Variants in LUZP1 observed in about 807,000 individuals in gnomAD.
LUZP1 encodes leucine zipper protein 1, also known as filamin mechanobinding actin cross-linking protein.
LUZP1 carries 25 observed loss-of-function variants against 71.3 expected under a neutral mutation model. The ratio of observed to expected loss-of-function variants is 0.35; its 90% CI spans 0.26 to 0.49. The LOEUF (loss-of-function observed/expected upper bound fraction) is 0.49. LUZP1 is among the 20% of genes least tolerant of loss of function. The pLI is 0.99. For missense variants in LUZP1, 1,142 were observed against 1,300.8 expected, an observed-to-expected ratio of 0.88 and a Z score of 1.88; for synonymous variants, 481 against 506.4, an observed-to-expected ratio of 0.95 and a Z score of 0.67.
intron 2 of LUZP1, among the ~76,000 whole-genome samples, chr1:23,164,928 A>C (rs1644498203): frequency 6.6e-6 from 1 of 152,206 alleles, no homozygotes; most frequent in Admixed American, 6.5e-5. Flanking sequence ...ATTTCAAAAG[A>C]AAAAAAATAA....
rs369028151 is a variant in LUZP1, at chr1:23,093,515, T to G, written c.747A>C (p.Thr249=). Residue 249 remains threonine (T), a synonymous_variant, in exon 4 of 5, where the codon ACA becomes ACC. Coordinates refer to ENST00000302291, the Ensembl canonical transcript of LUZP1. The surrounding 1 kb of genome is among the most constrained non-coding windows in gnomAD (Gnocchi z 4.2). ...TCCTTCTTGATTCTTTGGACGGCAG[T>G]GTGGAAGAGATGCCATCCTCAATCC... 175 of 1,613,544 alleles carry G rather than the reference T, an allele frequency of 1.1e-4. No individual in the cohort carries two copies. The highest frequency in any genetic ancestry group is 1.5e-4 in the Non-Finnish European group (172 of 1,179,910).
intron 4 of LUZP1, chr1:23,090,511 C>A: frequency 4.5e-6 from 1 of 222,476 alleles, no homozygotes; most frequent in Non-Finnish European, 8.9e-6. Flanking sequence ...GTTCTGACAC[C>A]CTGAGCCTCA....
chr1:23,116,841 C>T lies in LUZP1; in HGVS notation c.-225-7714G>A, dbSNP rs548374545. Among the ~76,000 whole-genome samples, 153 of 152,254 alleles carry T rather than the reference C, an allele frequency of 1.0e-3. No individual in the cohort carries two copies. The Middle Eastern group carries it at 0.014, about 14-fold the overall frequency. ...ACTCAACTCAGAGAATGTGACTTCC[C>T]TTGTACTGACTGTTAAGTGCCCAGA... On this transcript the variant is annotated intron_variant, in intron 2 of 4. Transcript: ENST00000302291.
At chr1:23,098,950 G>A (rs2124613055) in intron 3 of LUZP1, among the ~76,000 whole-genome samples, 1 of 152,284 alleles carries the variant, frequency 6.6e-6, no homozygotes, top group South Asian at 2.1e-4. Flanking sequence ...ACGCTTGAAG[G>A]TGTTGAAAAA....
chr1:23,146,589 G>A (rs1348873600), intron 2 of LUZP1, among the ~76,000 whole-genome samples: 2 of 151,932 alleles, frequency 1.3e-5, no homozygotes, highest in African/African-American at 4.8e-5. Flanking sequence ...CTTGAACCCA[G>A]GAGTTTGAGA....
chr1:23,089,025 C>T lies in LUZP1; in HGVS notation c.3101G>A (p.Ser1034Asn), dbSNP rs12066671. ...GGAGTTGTGCAGTTGCCTGTAGACA[C>T]TGAGTGTACAGTCTTCCCCTTCTTC... The change falls in exon 5 of 5, where the codon AGT becomes AAT. Residue 1034 changes from serine to asparagine, a missense_variant. By Grantham distance (46) the Ser-to-Asn change is conservative. Coordinates refer to ENST00000302291, the Ensembl canonical transcript of LUZP1. The T allele has an allele frequency of 0.012, 20,085 of 1,613,958 alleles. 1,986 individuals are homozygous for T. In the African/African-American group the frequency reaches 0.23, roughly 18 times the overall value.
intron 2 of LUZP1, among the ~76,000 whole-genome samples, chr1:23,139,655 G>A (rs1400585638): frequency 1.3e-5 from 2 of 152,112 alleles, no homozygotes; most frequent in African/African-American, 4.8e-5. Flanking sequence ...ATACAACACA[G>A]AAAATATGTG....
At chr1:23,139,009 AAAAAAAAAAAATAT>A (rs1478175479) in intron 2 of LUZP1, among the ~76,000 whole-genome samples, 1 of 99,376 alleles carries the variant, frequency 1.0e-5, no homozygotes, top group Non-Finnish European at 1.9e-5. Flanking sequence ...AAAAAAAAAA[AAAAAAAAAAAATAT>A]ATATATATAT....
intron 2 of LUZP1, among the ~76,000 whole-genome samples, chr1:23,115,410 C>G (rs1239697892): frequency 6.6e-6 from 1 of 152,182 alleles, no homozygotes; most frequent in East Asian, 1.9e-4. Context: ...AGAGTATAAA[C>G]AAGATCAGAA....
chr1:23,102,066 A>G (rs1401338521), intron 3 of LUZP1, among the ~76,000 whole-genome samples: 1 of 151,878 alleles, frequency 6.6e-6, no homozygotes, highest in East Asian at 1.9e-4. Context: ...GTATCATCAT[A>G]CATATAACCG....
intron 3 of LUZP1, among the ~76,000 whole-genome samples, chr1:23,098,732 A>G (rs1483651736): frequency 6.6e-6 from 1 of 152,228 alleles, no homozygotes; most frequent in African/African-American, 2.4e-5. Flanking sequence ...AGTCTGAGAC[A>G]TAAGAGAAAA....
At chr1:23,127,031 C>G (rs751165258) in intron 2 of LUZP1, among the ~76,000 whole-genome samples, 8 of 152,228 alleles carry the variant, frequency 5.3e-5, no homozygotes, top group Non-Finnish European at 1.2e-4. Flanking sequence ...TGTATATTGG[C>G]AGTCAAAATC....
chr1:23,096,927 C>G (rs532914481), intron 3 of LUZP1, among the ~76,000 whole-genome samples: 10 of 152,234 alleles, frequency 6.6e-5, no homozygotes, highest in African/African-American at 2.4e-4. Context: ...GAGCTGAGAT[C>G]GCGCCACTGC....
Position 23,093,324 on chromosome 1 carries a change from T to C in LUZP1, c.938A>G (p.Lys313Arg). Residue 313 changes from lysine (K) to arginine (R), a missense_variant, in exon 4 of 5, where the codon AAG becomes AGG. Transcript: ENST00000302291. This position sits in a 1 kb window ranked among gnomAD's most constrained non-coding sequence, Gnocchi z 4.2. ...GTCGTTATTTTTGGACTTCATTTTC[T>C]TAAGCTCTTCTTCCAACGATTCAAA... 1 of 1,610,940 alleles carries C rather than the reference T, an allele frequency of 6.2e-7. No individual in the cohort carries two copies. The highest frequency in any genetic ancestry group is 8.5e-7 in the Non-Finnish European group (1 of 1,179,306).
intron 2 of LUZP1, among the ~76,000 whole-genome samples, chr1:23,123,206 T>G (rs538413244): frequency 6.6e-6 from 1 of 152,168 alleles, no homozygotes; most frequent in South Asian, 2.1e-4. Flanking sequence ...TAAGAATCAT[T>G]AGGCTGGCCG....
intron 2 of LUZP1, among the ~76,000 whole-genome samples, chr1:23,138,279 A>C (rs1034538832): frequency 1.3e-5 from 2 of 152,120 alleles, no homozygotes; most frequent in Non-Finnish European, 2.9e-5. Flanking sequence ...CGACCACAAA[A>C]TGTAGTATTA....
intron 4 of LUZP1, 39 bp from the exon 4 acceptor site, chr1:23,089,092 G>A (rs574548735): frequency 1.2e-6 from 2 of 1,601,012 alleles, no homozygotes; most frequent in South Asian, 1.1e-5. Context: ...GTGGAGGTCA[G>A]TAAAGTGAGG....
At chr1:23,140,296 C>CTACACATATTACACATATGTAA (rs1029177699) in intron 2 of LUZP1, 1 of 152,008 alleles carries the variant, frequency 6.6e-6, no homozygotes, top group African/African-American at 2.4e-5. Flanking sequence ...AGAAAGGGTA[C>CTACACATATTACACATATGTAA]TACACATATT....
At chr1:23,147,099 A>AAATAATAATAATAATAATAATAATAAT (rs371398665) in intron 2 of LUZP1, among the ~76,000 whole-genome samples, 3 of 144,504 alleles carry the variant, frequency 2.1e-5, no homozygotes, top group African/African-American at 7.7e-5. Flanking sequence ...TCCGTCTCAA[A>AAATAATAATAATAATAATAATAATAAT]AATAATAATA....
Sources: gnomAD v4.1 joint callset for allele counts (sites outside exome capture counted in the v4.1 genomes callset) on GRCh38, gnomAD v4.1.1 for gene constraint, Gnocchi (gnomAD v3.1) non-coding constraint, MANE v1.5 for transcripts, NCBI Gene and HGNC (gene_info 2026-07-23, HGNC 2026-07-21) for gene names.